Variants in GRHL2 observed in about 807,000 individuals in gnomAD.
GRHL2 encodes grainyhead like transcription factor 2.
A neutral mutation model predicts 83.8 loss-of-function variants in GRHL2; 21 were observed. That is an observed-to-expected ratio of 0.25 (90% CI 0.18 to 0.36). The LOEUF is 0.36. GRHL2 is among the 10% of genes least tolerant of loss of function. The pLI, the probability that GRHL2 is intolerant of heterozygous loss-of-function variation, is 1.00. For missense variants in GRHL2, 623 were observed against 781.8 expected (o/e 0.80, Z 2.42); for synonymous variants, 280 against 278.9 (o/e 1.00, Z -0.04).
At chr8:101,583,292 G>A (rs1183303057) in intron 7 of GRHL2, among the ~76,000 whole-genome samples, 5 of 152,324 alleles carry the variant, frequency 3.3e-5, no homozygotes, top group African/African-American at 1.2e-4. Context: ...ATAGCCAGGT[G>A]AAAGACTGGG....
At chr8:101,630,746 G>T (rs1348617176) in intron 9 of GRHL2, among the ~76,000 whole-genome samples, 1 of 152,192 alleles carries the variant, frequency 6.6e-6, no homozygotes, top group Admixed American at 6.6e-5. Context: ...AAAGACACAG[G>T]TTAATTCTTC....
At chr8:101,537,682 C>A (rs1488447031) in intron 1 of GRHL2, among the ~76,000 whole-genome samples, 1 of 152,082 alleles carries the variant, frequency 6.6e-6, no homozygotes, top group African/African-American at 2.4e-5. Context: ...CAAAGAGACA[C>A]CTGCTCATCA....
chr8:101,525,246 A>G (rs1457087139), intron 1 of GRHL2, among the ~76,000 whole-genome samples: 1 of 152,152 alleles, frequency 6.6e-6, no homozygotes, highest in East Asian at 1.9e-4. Flanking sequence ...CCTGGCTAAT[A>G]TATCTTTTTT....
Position 101,492,524 on chromosome 8 carries a change from C to T in GRHL2, c.-246C>T, listed in dbSNP as rs1295777825. ...ACGATCCAGGAGGACTCCGCGCCGC[C>T]CGGCCGCCTCCGAGCTCGGGCCCCA... On this transcript the variant is annotated 5_prime_UTR_variant, in exon 1 of 16. Coordinates refer to ENST00000646743, the MANE Select transcript of GRHL2 (RefSeq NM_024915.4). 3.3e-6 allele frequency: 2 copies of T among 609,662 alleles called. No individual in the cohort carries two copies. Among genetic ancestry groups the T allele is most frequent in the Admixed American group, 5.7e-5 (2 of 35,158 alleles). The allele number at this position is 609,662 out of a possible 1,614,324, so 37.8% of individuals were successfully genotyped here. A position where few individuals can be genotyped will look rare whatever the true frequency, so the allele number is the denominator to read the frequency against.
chr8:101,609,901 A>C (rs1812713270), intron 8 of GRHL2, among the ~76,000 whole-genome samples: 1 of 151,058 alleles, frequency 6.6e-6, no homozygotes, highest in Non-Finnish European at 1.5e-5. Flanking sequence ...AAAACTCAAA[A>C]CAAGTTTTAA....
chr8:101,582,773 G>C (rs1383279471), intron 7 of GRHL2, among the ~76,000 whole-genome samples: 1 of 152,152 alleles, frequency 6.6e-6, no homozygotes, highest in African/African-American at 2.4e-5. Flanking sequence ...AGAGTTTCTT[G>C]CTCTTTGTTG....
chr8:101,569,263 A>T (rs1689904205), intron 4 of GRHL2, among the ~76,000 whole-genome samples: 2 of 152,220 alleles, frequency 1.3e-5, no homozygotes, highest in South Asian at 4.1e-4. Context: ...TGCACTGTAC[A>T]TACAATTGAA....
At chr8:101,509,117 CCTTCCTTCCTTCCTTCCT>C (rs1810400335) in intron 1 of GRHL2, among the ~76,000 whole-genome samples, 3 of 57,848 alleles carry the variant, frequency 5.2e-5, no homozygotes, top group Admixed American at 1.4e-4. Flanking sequence ...CTCCTTCCTT[CCTTCCTTCCTTCCTTCCT>C]TCCTTCCTTC....
chr8:101,675,749 C>G, the GRHL2 span, among the ~76,000 whole-genome samples: 1 of 152,038 alleles, frequency 6.6e-6, no homozygotes, highest in Non-Finnish European at 1.5e-5. Flanking sequence ...CCCGCATTGC[C>G]AAGTCAATCC....
In GRHL2 at chr8:101,547,877, A is replaced by G. The variant is rs116105907; in HGVS notation, c.216+4441A>G. Among the ~76,000 whole-genome samples the G allele has an allele frequency of 3.9e-3, 590 of 152,360 alleles. 5 individuals are homozygous for G. Among genetic ancestry groups the G allele is most frequent in the African/African-American group, 0.013 (552 of 41,582 alleles). ...GTTCTCTATCCAGTTTAAACTACTT[A>G]CCAGTAATAGCTCCACAGTTGTGCG... On this transcript the variant is annotated intron_variant, in intron 2 of 15. Coordinates refer to ENST00000646743, the MANE Select transcript of GRHL2 (RefSeq NM_024915.4).
intron 8 of GRHL2, among the ~76,000 whole-genome samples, chr8:101,613,654 A>G (rs1812797095): frequency 6.6e-6 from 1 of 151,222 alleles, no homozygotes; most frequent in African/African-American, 2.5e-5. Flanking sequence ...GAAGAAAGGT[A>G]AAATGTGAGA....
chr8:101,600,641 C>T (rs1586134020), intron 8 of GRHL2, among the ~76,000 whole-genome samples: 1 of 152,254 alleles, frequency 6.6e-6, no homozygotes, highest in East Asian at 1.9e-4. Flanking sequence ...AGCAAGTTAT[C>T]TGACCTCTCT....
intron 14 of GRHL2, among the ~76,000 whole-genome samples, chr8:101,656,949 T>C (rs1438570863): frequency 6.7e-6 from 1 of 150,362 alleles, no homozygotes. Context: ...GCAGACTGTG[T>C]TTCCCCTAAG....
intron 15 of GRHL2, 97 bp downstream of exon 15, chr8:101,664,615 G>A: frequency 1.2e-6 from 1 of 867,054 alleles, no homozygotes; most frequent in Non-Finnish European, 1.9e-6. Flanking sequence ...TAGGTCTGTT[G>A]CCCACTTTTC....
chr8:101,518,936 T>G (rs1810625994), intron 1 of GRHL2, among the ~76,000 whole-genome samples: 1 of 152,328 alleles, frequency 6.6e-6, no homozygotes, highest in African/African-American at 2.4e-5. Flanking sequence ...CACATTGGTA[T>G]GAAAATCTTC....
intron 1 of GRHL2, among the ~76,000 whole-genome samples, chr8:101,527,935 G>GT (rs1810840434): frequency 6.6e-6 from 1 of 152,142 alleles, no homozygotes; most frequent in African/African-American, 2.4e-5. Flanking sequence ...TGTTACTTAA[G>GT]TTTTTTCCCA....
chr8:101,500,446 A>C (rs968617964), intron 1 of GRHL2, among the ~76,000 whole-genome samples: 3 of 152,144 alleles, frequency 2.0e-5, no homozygotes, highest in African/African-American at 7.2e-5. Context: ...AGCACATTTT[A>C]TGTTGTAAGT....
At chr8:101,536,371 T>C (rs989419954) in intron 1 of GRHL2, among the ~76,000 whole-genome samples, 2 of 152,218 alleles carry the variant, frequency 1.3e-5, no homozygotes, top group Non-Finnish European at 2.9e-5. Flanking sequence ...GCTGTAATAA[T>C]AAATACGGTG....
chr8:101,585,568 G>A (rs1164532759), intron 7 of GRHL2, among the ~76,000 whole-genome samples: 2 of 152,162 alleles, frequency 1.3e-5, no homozygotes, highest in African/African-American at 2.4e-5. Context: ...TGCAGCTCCA[G>A]ATCCTTCCTC....
Sources: allele counts gnomAD v4.1 joint callset (sites outside exome capture counted in the v4.1 genomes callset), GRCh38; gene constraint gnomAD v4.1.1; transcripts MANE v1.5; gene names NCBI Gene and HGNC (gene_info 2026-07-23, HGNC 2026-07-21).